The following CBFA2T2 variants were observed in gnomAD, a reference collection of about 807,000 sequenced individuals.
CBFA2T2 encodes protein CBFA2T2.
CBFA2T2 carries 11 observed loss-of-function variants against 62.2 expected under a neutral mutation model. The ratio of observed to expected loss-of-function variants is 0.18; its 90% CI spans 0.11 to 0.29. The LOEUF is 0.29. Among genes scored for constraint, CBFA2T2 ranks in the 10% least tolerant of loss-of-function variants. The pLI is 1.00. For missense variants in CBFA2T2, 592 were observed against 774.1 expected (o/e 0.76, Z 2.79); for synonymous variants, 295 against 287.5 (o/e 1.03, Z -0.27).
rs368061784 is a variant in CBFA2T2, at chr20:33,644,333, C to T, written c.1489-14C>T. ...CAATCCCAGCAACCACTAACTGATG[C>T]CTGTGTCTTGCAGAACTGCTGGAAC... On this transcript the variant is annotated splice_polypyrimidine_tract_variant and intron_variant, in intron 10 of 10. Transcript: ENST00000342704. The T allele has an allele frequency of 3.1e-6, 5 of 1,601,510 alleles. No homozygotes were observed. The African/African-American group carries it at 4.0e-5, about 13-fold the overall frequency.
At chr20:33,514,199 T>C (rs528166443) in intron 1 of CBFA2T2, among the ~76,000 whole-genome samples, 9 of 139,582 alleles carry the variant, frequency 6.4e-5, no homozygotes, top group African/African-American at 2.4e-4. Flanking sequence ...CACCGTGCCC[T>C]GCCTTTGTTT....
intron 1 of CBFA2T2, among the ~76,000 whole-genome samples, chr20:33,530,423 GT>G (rs2012024448): frequency 6.6e-6 from 1 of 151,310 alleles, no homozygotes; most frequent in African/African-American, 2.5e-5. Flanking sequence ...GATGCCCATT[GT>G]TTGTTTTTTT....
chr20:33,510,584 C>T (rs894217461), intron 1 of CBFA2T2, among the ~76,000 whole-genome samples: 4 of 152,170 alleles, frequency 2.6e-5, no homozygotes, highest in East Asian at 3.9e-4. Context: ...TGAATAGTGC[C>T]GCAATAAACA....
At chr20:33,536,577 A>G (rs2012247860) in intron 1 of CBFA2T2, among the ~76,000 whole-genome samples, 1 of 148,900 alleles carries the variant, frequency 6.7e-6, no homozygotes, top group Non-Finnish European at 1.5e-5. Context: ...CACTTCTCAG[A>G]CGGGGCGGCT....
chr20:33,567,074 C>T (rs2013349850), intron 1 of CBFA2T2, among the ~76,000 whole-genome samples: 2 of 152,190 alleles, frequency 1.3e-5, no homozygotes, highest in African/African-American at 4.8e-5. Flanking sequence ...AGAAAAACAA[C>T]ATATTATAAC....
At chr20:33,549,626 G>A (rs910136225) in intron 1 of CBFA2T2, among the ~76,000 whole-genome samples, 2 of 152,170 alleles carry the variant, frequency 1.3e-5, no homozygotes, top group Non-Finnish European at 2.9e-5. Context: ...TAGGGGTGAT[G>A]AAAATGTTCT....
rs201450518 is a variant in CBFA2T2 at position 33,558,820 on chromosome 20, G to GT, written c.35-48133dup. Among the ~76,000 whole-genome samples the GT allele has an allele frequency of 4.2e-3, 632 of 148,984 alleles. 4 individuals carry two copies. The highest frequency in any genetic ancestry group is 0.015 in the African/African-American group (586 of 39,310). On this transcript the variant is annotated intron_variant, in intron 1 of 10. Coordinates refer to ENST00000342704, the MANE Select transcript of CBFA2T2 (RefSeq NM_001032999.3). ...AATAGAGATCAATTTTTCGCCAACT[G>GT]TTTGGGGGGGCGGCGATTCTTGAAT...
chr20:33,545,079 T>G (rs1027277376), intron 1 of CBFA2T2, among the ~76,000 whole-genome samples: 2 of 152,196 alleles, frequency 1.3e-5, no homozygotes, highest in African/African-American at 4.8e-5. Flanking sequence ...TGTGGTTTCT[T>G]TACTCCAAAT....
Position 33,607,016 on chromosome 20 carries a change from C to T in CBFA2T2, c.95C>T (p.Ser32Phe), listed in dbSNP as rs777658292. The part of the protein sequence containing the change: ...PGSPVEVKIQ[S>F]RSSPPTMPPL... ...TCGCCTGTGGAAGTGAAGATACAGT[C>T]CAGATCCTCACCTCCCACCATGCCA... is the stretch of plus-strand genomic sequence containing the variant. Residue 32 changes from serine to phenylalanine, a missense_variant, in exon 2 of 11, where the codon TCC becomes TTC. Around this residue, in one of 3 missense-constraint regions of CBFA2T2, gnomAD observed 449 missense variants for 551.2 expected, o/e 0.81. Transcript: ENST00000342704. 9 of 1,613,862 alleles carry T rather than the reference C, an allele frequency of 5.6e-6. No homozygotes were observed. The highest frequency in any genetic ancestry group is 7.6e-6 in the Non-Finnish European group (9 of 1,179,942).
chr20:33,646,371 C>G lies in CBFA2T2; in HGVS notation c.*1725C>G, dbSNP rs760849097. ...CTCTCCATCTTTGAGCCTCTGGCAT[C>G]CTCTCACACCCAGAAATCAGTTGGA... On this transcript the variant is annotated 3_prime_UTR_variant, in exon 11 of 11. Transcript: ENST00000342704. 2.0e-5 allele frequency: 3 copies of G among 152,234 alleles called. No individual in the cohort carries two copies. Among genetic ancestry groups the G allele is most frequent in the Non-Finnish European group, 4.4e-5 (3 of 68,100 alleles). 9.4% of individuals were successfully genotyped at this position (152,234 alleles called of 1,614,324 possible).
intron 1 of CBFA2T2, among the ~76,000 whole-genome samples, chr20:33,494,173 G>T (rs976684819): frequency 1.4e-5 from 2 of 145,236 alleles, no homozygotes; most frequent in Admixed American, 1.4e-4. Flanking sequence ...GAGCTACCGC[G>T]CCTGGCCTGA....
chr20:33,494,275 T>A (rs868692773), intron 1 of CBFA2T2, among the ~76,000 whole-genome samples: 18 of 40,562 alleles, frequency 4.4e-4, no homozygotes, highest in African/African-American at 1.8e-3. Flanking sequence ...ATATATATAT[T>A]TTTTTTTTTT....
At position 33,624,759 on chromosome 20, in the gene CBFA2T2, T is replaced by A; in HGVS notation, c.693-5T>A. The stretch of plus-strand genomic sequence containing the variant: ...ATCAGATACGCACTTCTGCTTCTTC[T>A]ACAGGAGAGAAGAGAATAGTTTTGA... On this transcript the variant is annotated splice_region_variant and splice_polypyrimidine_tract_variant and intron_variant, in intron 5 of 10. Coordinates refer to ENST00000342704, the MANE Select transcript of CBFA2T2 (RefSeq NM_001032999.3). The A allele has an allele frequency of 1.2e-6, 2 of 1,614,008 alleles. No individual in the cohort carries two copies. The highest frequency in any genetic ancestry group is 1.7e-6 in the Non-Finnish European group (2 of 1,179,898).
intron 3 of CBFA2T2, among the ~76,000 whole-genome samples, chr20:33,616,284 C>T (rs1026871209): frequency 2.0e-5 from 3 of 152,034 alleles, no homozygotes; most frequent in African/African-American, 7.3e-5. Flanking sequence ...ATTACTTTGC[C>T]TGATATGGTT....
intron 1 of CBFA2T2, among the ~76,000 whole-genome samples, chr20:33,497,877 G>A (rs999694798): frequency 6.6e-6 from 1 of 151,686 alleles, no homozygotes; most frequent in Non-Finnish European, 1.5e-5. Context: ...GAGACAGGAT[G>A]TTTCTATGTT....
chr20:33,555,927 G>A (rs1455916397), intron 1 of CBFA2T2, among the ~76,000 whole-genome samples: 1 of 152,176 alleles, frequency 6.6e-6, no homozygotes, highest in Non-Finnish European at 1.5e-5. Flanking sequence ...GTGCAGTGGT[G>A]CAATAATGGC....
intron 1 of CBFA2T2, among the ~76,000 whole-genome samples, chr20:33,595,620 C>T (rs1338172198): frequency 1.3e-5 from 2 of 151,964 alleles, no homozygotes; most frequent in Non-Finnish European, 2.9e-5. Context: ...GGCACAATCT[C>T]GGCTCACTAC....
chr20:33,624,069 G>T, intron 5 of CBFA2T2: 1 of 526,668 alleles, frequency 1.9e-6, no homozygotes. Context: ...AAAAAGTATA[G>T]CAATTAATTA....
At chr20:33,631,554 A>AT (rs1302724235) in intron 8 of CBFA2T2, among the ~76,000 whole-genome samples, 1 of 152,214 alleles carries the variant, frequency 6.6e-6, no homozygotes, top group Admixed American at 6.5e-5. Context: ...GCCAAGATAC[A>AT]GCTCTTGCTG....
Sources: allele counts gnomAD v4.1 joint callset (sites outside exome capture counted in the v4.1 genomes callset), GRCh38; gene constraint gnomAD v4.1.1; regional missense constraint gnomAD v4.1.1; transcripts MANE v1.5; gene names NCBI Gene and HGNC (gene_info 2026-07-23, HGNC 2026-07-21).